CCDC7: variants seen among roughly 807,000 people sequenced by gnomAD.
The protein encoded by CCDC7 is coiled-coil domain containing 7.
Under a neutral mutation model 196.9 loss-of-function variants are expected in CCDC7, and 183 were observed. The observed-to-expected ratio is 0.93, with a 90% CI of 0.82 to 1.05. CCDC7 has a LOEUF of 1.05. Ranked by LOEUF, CCDC7 falls within the 50% of genes least tolerant of loss-of-function variation. The probability of loss-of-function intolerance (pLI) is 0.00; values close to 1 mark genes in which losing one functional copy is unlikely to be tolerated. For synonymous variants in CCDC7, 525 were observed against 484.6 expected, an observed-to-expected ratio of 1.08 and a Z score of -1.10; for missense variants, 1,540 against 1,482.2, an observed-to-expected ratio of 1.04 and a Z score of -0.64.
chr10:32,731,673 TTTACC>T (rs2083989606), intron 28 of CCDC7, among the ~76,000 whole-genome samples: 1 of 152,212 alleles, frequency 6.6e-6, no homozygotes, highest in Non-Finnish European at 1.5e-5. Context: ...GGTTTTTGCA[TTTACC>T]TTCATGATTC....
chr10:32,597,189 A>G (rs899759611), intron 18 of CCDC7, among the ~76,000 whole-genome samples: 3 of 152,162 alleles, frequency 2.0e-5, no homozygotes, highest in African/African-American at 4.8e-5. Context: ...GGCTTTTCAC[A>G]TAGTCCCATA....
chr10:32,782,218 G>GT (rs1267525298), intron 29 of CCDC7, among the ~76,000 whole-genome samples: 33 of 96,348 alleles, frequency 3.4e-4, no homozygotes, highest in African/African-American at 1.1e-3. Flanking sequence ...AAGATAACTT[G>GT]TTTTTTTTTT....
chr10:32,703,834 C>T (rs910726849), intron 24 of CCDC7, among the ~76,000 whole-genome samples: 29 of 152,202 alleles, frequency 1.9e-4, no homozygotes, highest in Non-Finnish European at 3.8e-4. Flanking sequence ...GCATTCGTCA[C>T]GTAGTTCTCG....
intron 18 of CCDC7, among the ~76,000 whole-genome samples, chr10:32,625,771 C>T (rs1236538033): frequency 6.6e-6 from 1 of 152,034 alleles, no homozygotes; most frequent in Non-Finnish European, 1.5e-5. Flanking sequence ...CTGCTCTCTG[C>T]TTCTATGAGT....
At chr10:32,562,555 T>C (rs548470826) in intron 13 of CCDC7, among the ~76,000 whole-genome samples, 93 of 152,268 alleles carry the variant, frequency 6.1e-4, no homozygotes, top group South Asian at 2.5e-3. Flanking sequence ...AAAAACCACA[T>C]GATTATCTCA....
At chr10:32,587,460 C>T (rs900435711) in intron 18 of CCDC7, among the ~76,000 whole-genome samples, 3 of 152,118 alleles carry the variant, frequency 2.0e-5, no homozygotes, top group Admixed American at 6.5e-5. Flanking sequence ...TTACCCCCTC[C>T]TACAATAATG....
intron 28 of CCDC7, among the ~76,000 whole-genome samples, chr10:32,749,547 C>G (rs957462931): frequency 6.6e-6 from 1 of 152,022 alleles, no homozygotes; most frequent in Non-Finnish European, 1.5e-5. Flanking sequence ...TATTTTTATG[C>G]TTTAAGTATG....
At chr10:32,761,892 A>G (rs1027832487) in intron 28 of CCDC7, among the ~76,000 whole-genome samples, 1 of 151,974 alleles carries the variant, frequency 6.6e-6, no homozygotes, top group African/African-American at 2.4e-5. Flanking sequence ...TGATGTCAGC[A>G]ACATGGTGGA....
chr10:32,694,950 A>G (rs753044160), exon 24 of CCDC7: 5 of 1,606,616 alleles, frequency 3.1e-6, no homozygotes, highest in Non-Finnish European at 4.3e-6. Flanking sequence ...GGAAATGCAA[A>G]TTGAAAAAAC....
At chr10:32,457,858 C>A (rs187519553) in intron 3 of CCDC7, among the ~76,000 whole-genome samples, 1 of 151,540 alleles carries the variant, frequency 6.6e-6, no homozygotes, top group Non-Finnish European at 1.5e-5. Context: ...AAGCCATTTA[C>A]CTATTTTAAA....
chr10:32,703,514 A>G (rs567082479), intron 24 of CCDC7, among the ~76,000 whole-genome samples: 1 of 151,824 alleles, frequency 6.6e-6, no homozygotes, highest in Admixed American at 6.6e-5. Flanking sequence ...GTTCTCGAGG[A>G]GTATCTTTGT....
chr10:32,870,348 C>G (rs1306910862), intron 41 of CCDC7, among the ~76,000 whole-genome samples: 1 of 152,048 alleles, frequency 6.6e-6, no homozygotes, highest in Non-Finnish European at 1.5e-5. Flanking sequence ...GTATTTTATT[C>G]TCTTTGAAGC....
chr10:32,547,937 G>A (rs551185755), intron 13 of CCDC7, among the ~76,000 whole-genome samples: 6 of 151,848 alleles, frequency 4.0e-5, no homozygotes, highest in African/African-American at 1.2e-4. Flanking sequence ...TTTATCCCTC[G>A]CCCACCTCCC....
chr10:32,818,125 A>G (rs1355845279), intron 31 of CCDC7, among the ~76,000 whole-genome samples: 1 of 152,202 alleles, frequency 6.6e-6, no homozygotes, highest in Non-Finnish European at 1.5e-5. Context: ...TAGGCTCAAA[A>G]TAAAGGGATG....
At chr10:32,737,155 A>G (rs1295302000) in intron 28 of CCDC7, among the ~76,000 whole-genome samples, 1 of 152,136 alleles carries the variant, frequency 6.6e-6, no homozygotes, top group African/African-American at 2.4e-5. Flanking sequence ...GTGGTGGATT[A>G]CATTAATTGA....
At chr10:32,881,364 T>C (rs1182596984), downstream of CCDC7, among the ~76,000 whole-genome samples, 1 of 152,174 alleles carries the variant, frequency 6.6e-6, no homozygotes, top group Non-Finnish European at 1.5e-5. Flanking sequence ...TTGTGGGCAT[T>C]AATTATAACT....
intron 29 of CCDC7, among the ~76,000 whole-genome samples, chr10:32,781,027 T>C (rs1229993927): frequency 6.6e-6 from 1 of 151,944 alleles, no homozygotes; most frequent in African/African-American, 2.4e-5. Flanking sequence ...AAGAGAACAC[T>C]GTGAACAACT....
intron 3 of CCDC7, among the ~76,000 whole-genome samples, chr10:32,456,674 A>G (rs1314578205): frequency 6.6e-6 from 1 of 152,154 alleles, no homozygotes; most frequent in African/African-American, 2.4e-5. Flanking sequence ...AATAAATAGT[A>G]AGGTTGTGGC....
intron 13 of CCDC7, among the ~76,000 whole-genome samples, chr10:32,551,777 C>G (rs1017858957): frequency 6.6e-6 from 1 of 152,176 alleles, no homozygotes. Context: ...GATATACTGT[C>G]AATTTTCTTA....
Sources: allele counts gnomAD v4.1 joint callset (sites outside exome capture counted in the v4.1 genomes callset), GRCh38; gene constraint gnomAD v4.1.1; transcripts MANE v1.5; gene names NCBI Gene and HGNC (gene_info 2026-07-23, HGNC 2026-07-21).